The following SCARB1 variants were observed in gnomAD, a reference collection of about 807,000 sequenced individuals.
The protein encoded by SCARB1 is CD36 and LIMPII analogous 1.
Under a neutral mutation model 57.2 loss-of-function variants are expected in SCARB1, and 30 were observed. The ratio of observed to expected loss-of-function variants is 0.52; its 90% CI spans 0.39 to 0.71. SCARB1 has a LOEUF of 0.71. SCARB1 is among the 30% of genes least tolerant of loss of function. SCARB1 has a pLI of 0.00. For missense variants in SCARB1, 543 were observed against 671.2 expected (o/e 0.81, Z 2.11); for synonymous variants, 249 against 268.3 (o/e 0.93, Z 0.70).
chr12:124,809,195 G>C (rs1950435179), intron 6 of SCARB1, among the ~76,000 whole-genome samples: 1 of 152,124 alleles, frequency 6.6e-6, no homozygotes, highest in Non-Finnish European at 1.5e-5. Context: ...GCGAGAAGAG[G>C]GGGTGGGGGG....
rs377040233 is a variant in SCARB1 at position 124,812,830 on chromosome 12, G to A, written c.631-865C>T. Among the ~76,000 whole-genome samples, 21 of 152,242 alleles carry A rather than the reference G, an allele frequency of 1.4e-4. No individual in the cohort carries two copies. The highest frequency in any genetic ancestry group is 5.2e-4 in the Admixed American group (8 of 15,302). Reference sequence around the variant, plus strand: ...CCAGCATCCCGGGTGTGTCTGTCACGTGCCCATGTGGAGCCAAGAATAACC... The same window carrying A: ...CCAGCATCCCGGGTGTGTCTGTCACATGCCCATGTGGAGCCAAGAATAACC... On this transcript the variant is annotated intron_variant, in intron 4 of 12. Coordinates refer to ENST00000261693, the MANE Select transcript of SCARB1 (RefSeq NM_005505.5). This position sits in a 1 kb window ranked among gnomAD's most constrained non-coding sequence, Gnocchi z 4.3.
chr12:124,816,309 C>A (rs1340807227), intron 2 of SCARB1, among the ~76,000 whole-genome samples: 1 of 152,222 alleles, frequency 6.6e-6, no homozygotes, highest in Non-Finnish European at 1.5e-5. Flanking sequence ...TGCCTGCGCC[C>A]CCAGCACACA....
chr12:124,844,656 A>C (rs1453521494), intron 1 of SCARB1, among the ~76,000 whole-genome samples: 2 of 152,090 alleles, frequency 1.3e-5, no homozygotes, highest in Non-Finnish European at 2.9e-5. Context: ...GGATGTGCGC[A>C]CACAGGGAGA....
intron 1 of SCARB1, among the ~76,000 whole-genome samples, chr12:124,844,231 A>C (rs1470354553): frequency 6.6e-6 from 1 of 152,140 alleles, no homozygotes; most frequent in Non-Finnish European, 1.5e-5. Context: ...ACATAGGAAC[A>C]CGGATAGATT....
intron 1 of SCARB1, among the ~76,000 whole-genome samples, chr12:124,853,002 G>A (rs555531184): frequency 3.7e-4 from 57 of 152,322 alleles, no homozygotes; most frequent in African/African-American, 1.3e-3. Context: ...TGGGGCCATT[G>A]CCCTCCAGCT....
chr12:124,840,382 T>C (rs1011833390), intron 1 of SCARB1, among the ~76,000 whole-genome samples: 1 of 152,210 alleles, frequency 6.6e-6, no homozygotes, highest in African/African-American at 2.4e-5. Flanking sequence ...TTCGCCATCT[T>C]GGCCAGGCTG....
intron 5 of SCARB1, among the ~76,000 whole-genome samples, chr12:124,811,332 T>C (rs1301643185): frequency 6.6e-6 from 1 of 152,192 alleles, no homozygotes; most frequent in East Asian, 1.9e-4. Flanking sequence ...GAAGTGAAAT[T>C]GCGTGATCTC....
At chr12:124,854,721 T>G (rs1277748518) in intron 1 of SCARB1, among the ~76,000 whole-genome samples, 1 of 152,102 alleles carries the variant, frequency 6.6e-6, no homozygotes, top group Non-Finnish European at 1.5e-5. Context: ...GAGTGCAAGA[T>G]GTTGGCCCGG....
intron 5 of SCARB1, 70 bp downstream of exon 5, chr12:124,811,800 C>G: frequency 9.4e-7 from 1 of 1,059,382 alleles, no homozygotes; most frequent in Non-Finnish European, 1.4e-6. Flanking sequence ...CCTGCCACTC[C>G]CGAGCAGCCA....
chr12:124,830,212 G>A (rs188463983), intron 1 of SCARB1, among the ~76,000 whole-genome samples: 256 of 152,344 alleles, frequency 1.7e-3, no homozygotes, highest in Non-Finnish European at 2.9e-3. Flanking sequence ...TGCTGGTGAG[G>A]ATGTGGAGCA....
intron 1 of SCARB1, among the ~76,000 whole-genome samples, chr12:124,851,582 G>A (rs867581686): frequency 1.3e-4 from 19 of 150,686 alleles, no homozygotes; most frequent in African/African-American, 4.6e-4. Flanking sequence ...CTGCTAATGA[G>A]AACAAAGTGA....
At chr12:124,834,480 C>T (rs1951545593) in intron 1 of SCARB1, among the ~76,000 whole-genome samples, 1 of 152,254 alleles carries the variant, frequency 6.6e-6, no homozygotes, top group Admixed American at 6.5e-5. Context: ...GCAGGTCCAC[C>T]TTTCAAACCT....
chr12:124,794,469 C>T (rs1949863463), intron 9 of SCARB1, among the ~76,000 whole-genome samples: 1 of 142,720 alleles, frequency 7.0e-6, no homozygotes, highest in African/African-American at 2.6e-5. Context: ...GGCGCGATCT[C>T]GGCTCACTGC....
At position 124,863,794 on chromosome 12, in the gene SCARB1, C is replaced by G; in HGVS notation, c.-74G>C. The G allele has an allele frequency of 2.2e-6, 3 of 1,380,570 alleles. No homozygotes were observed. Among genetic ancestry groups the G allele is most frequent in the South Asian group, 1.7e-5 (1 of 59,328 alleles). The allele number at this position is 1,380,570 out of a possible 1,614,324, so 85.5% of individuals were successfully genotyped here. ...CAGGAGACGGGGACGGCGACAGAGA[C>G]GACACAGGCGGGGACTCCGGGCACG... On this transcript the variant is annotated 5_prime_UTR_variant, in exon 1 of 13. Coordinates refer to ENST00000261693, the MANE Select transcript of SCARB1 (RefSeq NM_005505.5).
Position 124,815,620 on chromosome 12 carries a change from C to G in SCARB1, c.285-506G>C, listed in dbSNP as rs569230232. Reference sequence around the variant, plus strand: ...GTGGCTCATGCCTGTAAACCCAGCACTTTGGGAGGCTGAGGTGGGCAGATC... The same window carrying G: ...GTGGCTCATGCCTGTAAACCCAGCAGTTTGGGAGGCTGAGGTGGGCAGATC... On this transcript the variant is annotated intron_variant, in intron 2 of 12. Coordinates refer to ENST00000261693, the MANE Select transcript of SCARB1 (RefSeq NM_005505.5). 3.0e-4 allele frequency among the ~76,000 whole-genome samples: 46 copies of G among 152,336 alleles called. 1 individual carries two copies. The highest frequency in any genetic ancestry group is 1.0e-3 in the African/African-American group (43 of 41,586).
At chr12:124,801,708 C>A (rs10846735) in intron 7 of SCARB1, among the ~76,000 whole-genome samples, 66,780 of 150,956 alleles carry the variant, frequency 0.44, 15,026 homozygotes, top group Non-Finnish European at 0.48. Flanking sequence ...TGAACCTGGG[C>A]GGCAGAGGTT....
At position 124,817,085 on chromosome 12, in the gene SCARB1, T is replaced by G. The variant is rs1300263798; in HGVS notation, c.284+465A>C. Among the ~76,000 whole-genome samples, 2 of 140,298 alleles carry G rather than the reference T, an allele frequency of 1.4e-5. No homozygotes were observed. The highest frequency in any genetic ancestry group is 3.0e-5 in the Non-Finnish European group (2 of 67,640). 92.0% of individuals were successfully genotyped at this position (140,298 alleles called of 152,430 possible). On this transcript the variant is annotated intron_variant, in intron 2 of 12. Transcript: ENST00000261693. This position sits in a 1 kb window ranked among gnomAD's most constrained non-coding sequence, Gnocchi z 4.8. ...GCATGTGTAGGTACATGTGTGTGTATGTATGTGTGTGTGTATGTGTATGTA... is the reference window on the plus strand; with the variant it reads ...GCATGTGTAGGTACATGTGTGTGTAGGTATGTGTGTGTGTATGTGTATGTA...
At chr12:124,841,120 C>T (rs1376290891) in intron 1 of SCARB1, among the ~76,000 whole-genome samples, 1 of 152,186 alleles carries the variant, frequency 6.6e-6, no homozygotes, top group African/African-American at 2.4e-5. Flanking sequence ...GCCTGTAATC[C>T]CAGCACTTTG....
In SCARB1 at chr12:124,817,765, C is replaced by T. The variant is rs1594288932; in HGVS notation, c.127-58G>A. Reference sequence around the variant, plus strand: ...AGAGTGATGAGGGCCCCACGCCCCACCACAAGGCTCCGGAACAGCTGCCCG... The same window carrying T: ...AGAGTGATGAGGGCCCCACGCCCCATCACAAGGCTCCGGAACAGCTGCCCG... On this transcript the variant is annotated intron_variant, in intron 1 of 12. Coordinates refer to ENST00000261693, the MANE Select transcript of SCARB1 (RefSeq NM_005505.5). This position sits in a 1 kb window ranked among gnomAD's most constrained non-coding sequence, Gnocchi z 4.8. The T allele has an allele frequency of 1.3e-6, 2 of 1,590,312 alleles. No homozygotes were observed.
Sources: gnomAD v4.1 joint callset for allele counts (sites outside exome capture counted in the v4.1 genomes callset) on GRCh38, gnomAD v4.1.1 for gene constraint, Gnocchi (gnomAD v3.1) non-coding constraint, MANE v1.5 for transcripts, NCBI Gene and HGNC (gene_info 2026-07-23, HGNC 2026-07-21) for gene names.